The following PRPSAP1 variants were observed in gnomAD, a reference collection of about 807,000 sequenced individuals.
PRPSAP1 encodes the protein phosphoribosyl pyrophosphate synthetase associated protein 1.
In PRPSAP1, 31 loss-of-function variants were observed where a neutral mutation model predicts 39.4. The observed-to-expected ratio is 0.79, with a 90% CI of 0.59 to 1.06. The LOEUF is 1.06. Among genes scored for constraint, PRPSAP1 ranks in the 50% least tolerant of loss-of-function variants. The pLI, the probability that PRPSAP1 is intolerant of heterozygous loss-of-function variation, is 0.00. For synonymous variants in PRPSAP1, 212 were observed against 192.6 expected (o/e 1.10, Z -0.83); for missense variants, 430 against 511.6 (o/e 0.84, Z 1.54).
chr17:76,338,386 T>G (rs2071400891), intron 3 of PRPSAP1, among the ~76,000 whole-genome samples: 1 of 152,172 alleles, frequency 6.6e-6, no homozygotes, highest in Admixed American at 6.6e-5. Flanking sequence ...AGATATTCCT[T>G]CATCTATGTA....
chr17:76,328,759 T>C lies in PRPSAP1; in HGVS notation c.739A>G (p.Met247Val), dbSNP rs747800818. 2.5e-5 allele frequency: 40 copies of C among 1,613,944 alleles called. No individual in the cohort carries two copies. The highest frequency in any genetic ancestry group is 1.6e-4 in the Middle Eastern group (1 of 6,084). The change falls in exon 7 of 10, where the codon ATG becomes GTG. Residue 247 changes from methionine to valine, a missense_variant. Met to Val is a conservative substitution (Grantham distance 21, BLOSUM62 1). Transcript: ENST00000446526. ...DMDDGRHSPP[M>V]VKNATVHPGL... ...GGGTGCACAGTAGCATTTTTGACCA[T>C]AGGCGGGGAGTGACGACCATCGTCC...
chr17:76,341,283 G>C (rs2071435851), intron 3 of PRPSAP1, among the ~76,000 whole-genome samples: 1 of 147,240 alleles, frequency 6.8e-6, no homozygotes, highest in African/African-American at 2.6e-5. Context: ...TGTTGCCCAG[G>C]TTAGAGTAGA....
chr17:76,345,811 C>G (rs1163909144), intron 2 of PRPSAP1: 6 of 353,036 alleles, frequency 1.7e-5, no homozygotes, highest in South Asian at 7.2e-5. Flanking sequence ...CTCCCAGTGC[C>G]TACGTCCGGC....
rs559996923 is a variant in PRPSAP1 at position 76,328,909 on chromosome 17, C to T, written c.636-47G>A. The T allele has an allele frequency of 1.5e-4, 239 of 1,553,506 alleles. 1 individual carries two copies. The highest frequency in any genetic ancestry group is 3.9e-4 in the South Asian group (34 of 86,864). On this transcript the variant is annotated intron_variant, in intron 6 of 9. Transcript: ENST00000446526. ...GTGAAACTGACAGGAAGAAATCCCA[C>T]GCATCACTACGGCATCATTTTTTAA...
At chr17:76,340,733 A>G (rs1598536341) in intron 3 of PRPSAP1, among the ~76,000 whole-genome samples, 1 of 152,058 alleles carries the variant, frequency 6.6e-6, no homozygotes, top group East Asian at 1.9e-4. Context: ...ACTACTAAAA[A>G]TACAAAATTA....
chr17:76,345,727 T>C, intron 2 of PRPSAP1: 2 of 196,064 alleles, frequency 1.0e-5, no homozygotes, highest in Non-Finnish European at 2.1e-5. Context: ...GAATAAGTCT[T>C]GGAGCAGTAT....
chr17:76,318,609 T>C (rs2071151645), intron 7 of PRPSAP1, among the ~76,000 whole-genome samples: 1 of 152,338 alleles, frequency 6.6e-6, no homozygotes, highest in African/African-American at 2.4e-5. Flanking sequence ...GACACACAGA[T>C]GTGAGGCATA....
chr17:76,347,580 G>A (rs967793134), intron 2 of PRPSAP1, among the ~76,000 whole-genome samples: 1 of 151,422 alleles, frequency 6.6e-6, no homozygotes, highest in African/African-American at 2.4e-5. Flanking sequence ...AGGACTTGCA[G>A]GACTCTGGAT....
chr17:76,318,921 A>G (rs568724394), intron 7 of PRPSAP1, among the ~76,000 whole-genome samples: 99 of 152,136 alleles, frequency 6.5e-4, no homozygotes, highest in Non-Finnish European at 1.2e-3. Flanking sequence ...TGACCCAGTA[A>G]TTTTATTTCT....
chr17:76,336,561 C>T (rs988136715), intron 3 of PRPSAP1, among the ~76,000 whole-genome samples: 1 of 151,300 alleles, frequency 6.6e-6, no homozygotes, highest in African/African-American at 2.4e-5. Flanking sequence ...GAGAAACCCC[C>T]GTCTCAACTA....
rs984710731 is a variant in PRPSAP1, at chr17:76,332,338, A to G, written c.388T>C (p.Tyr130His). The change falls in exon 4 of 10, where the codon TAC becomes CAC. Residue 130 changes from tyrosine (Y) to histidine (H), a missense_variant. Tyr to His is a moderately conservative substitution (Grantham distance 83, BLOSUM62 2). Coordinates refer to ENST00000446526, the MANE Select transcript of PRPSAP1 (RefSeq NM_002766.3). ...TTCCTCATCTTGCTCTGCTTGCTGT[A>G]GGGGAAGTAGGGGATGACCCCAATA... Reference protein sequence around the residue: ...NIIGVIPYFPYSKQSKMRKRG... With the variant: ...NIIGVIPYFPHSKQSKMRKRG... 1 of 1,614,166 alleles carries G rather than the reference A, an allele frequency of 6.2e-7. No homozygotes were observed. Among genetic ancestry groups the G allele is most frequent in the African/African-American group, 1.3e-5 (1 of 75,038 alleles).
In PRPSAP1 at chr17:76,353,565, C is replaced by T; in HGVS notation, c.139G>A (p.Ala47Thr). 6.4e-7 allele frequency: 1 copy of T among 1,555,918 alleles called. No homozygotes were observed. ...ATGCGCTTGGCCAGCTCCGTGCAGG[C>T]GGCCGTGGAGTTGGCCGAGAAGACT... ...YRVFSANSTA[A>T]CTELAKRITE... Residue 47 changes from alanine to threonine, a missense_variant, in exon 1 of 10, where the codon GCC becomes ACC. Physicochemically the swap from Ala to Thr is moderately conservative, Grantham distance 58. Around this residue, in one of 2 missense-constraint regions of PRPSAP1, gnomAD observed 152 missense variants for 135.2 expected, o/e 1.12. Coordinates refer to ENST00000446526, the MANE Select transcript of PRPSAP1 (RefSeq NM_002766.3).
chr17:76,319,719 C>T (rs1241065983), intron 7 of PRPSAP1, among the ~76,000 whole-genome samples: 4 of 151,900 alleles, frequency 2.6e-5, no homozygotes, highest in Admixed American at 1.3e-4. Flanking sequence ...TCCCAAAGTG[C>T]TGGGATTACA....
chr17:76,342,484 C>T (rs1598538322), intron 3 of PRPSAP1, among the ~76,000 whole-genome samples: 1 of 151,898 alleles, frequency 6.6e-6, no homozygotes, highest in East Asian at 1.9e-4. Flanking sequence ...GAGGCTGAGG[C>T]GGGTGGATCA....
chr17:76,342,349 C>T (rs1021874986), intron 3 of PRPSAP1, among the ~76,000 whole-genome samples: 5 of 152,216 alleles, frequency 3.3e-5, no homozygotes, highest in African/African-American at 7.2e-5. Flanking sequence ...AGAGCCATCA[C>T]GGTGAAACCC....
Position 76,330,578 on chromosome 17 carries a change from A to C in PRPSAP1, c.552T>G (p.Pro184=). The C allele has an allele frequency of 6.2e-7, 1 of 1,610,318 alleles. No homozygotes were observed. The highest frequency in any genetic ancestry group is 1.1e-5 in the South Asian group (1 of 90,808). ...SFPVDNLRAS[P]FLLQYIQEEI... is the part of the protein sequence containing the mutation. ...CTTCCTGGATATACTGAAGCAGGAA[A>C]GGTGAGGCTCTAAGGTTGTCCACAG... Residue 184 remains proline (P), a synonymous_variant, in exon 5 of 10, where the codon CCT becomes CCG. Transcript: ENST00000446526.
intron 3 of PRPSAP1, 80 bp from the exon 4 acceptor site, chr17:76,332,515 A>C: frequency 2.6e-6 from 4 of 1,510,236 alleles, no homozygotes; most frequent in Non-Finnish European, 2.7e-6. Flanking sequence ...TCAACTTAAC[A>C]TGGGCTGCCC....
At chr17:76,314,501 G>A (rs958155644) in intron 7 of PRPSAP1, 6 of 152,720 alleles carry the variant, frequency 3.9e-5, no homozygotes, top group African/African-American at 1.4e-4. Flanking sequence ...ACAAGCTTGA[G>A]CCACCACGCC....
At chr17:76,335,189 T>C (rs2071364841) in intron 3 of PRPSAP1, among the ~76,000 whole-genome samples, 1 of 152,164 alleles carries the variant, frequency 6.6e-6, no homozygotes, top group Non-Finnish European at 1.5e-5. Context: ...GTTCATGCAA[T>C]CTTCCCATCT....
Sources: allele counts gnomAD v4.1 joint callset (sites outside exome capture counted in the v4.1 genomes callset), GRCh38; gene constraint gnomAD v4.1.1; regional missense constraint gnomAD v4.1.1; transcripts MANE v1.5; gene names NCBI Gene and HGNC (gene_info 2026-07-23, HGNC 2026-07-21).